LRP1: variants seen among roughly 807,000 people sequenced by gnomAD.
LRP1 encodes prolow-density lipoprotein receptor-related protein 1.
A neutral mutation model predicts 541.5 loss-of-function variants in LRP1; 51 were observed. The observed-to-expected ratio is 0.09, with a 90% CI of 0.08 to 0.12. LRP1 has a LOEUF of 0.12. LRP1 is among the 10% of genes least tolerant of loss of function. The probability of loss-of-function intolerance (pLI) is 1.00; values close to 1 mark genes in which losing one functional copy is unlikely to be tolerated. For synonymous variants in LRP1, 2,219 were observed against 2,470.8 expected (o/e 0.90, Z 3.02); for missense variants, 3,878 against 6,376.2 (o/e 0.61, Z 13.34).
rs776497673 is a variant in LRP1, at chr12:57,210,513, T to C, written c.12754+33T>C. The C allele has an allele frequency of 2.0e-6, 3 of 1,516,340 alleles. No individual in the cohort carries two copies. The South Asian group carries it at 3.9e-5, about 20-fold the overall frequency. The allele number at this position is 1,516,340 out of a possible 1,614,324, so 93.9% of individuals were successfully genotyped here. A position where few individuals can be genotyped will look rare whatever the true frequency, so the allele number is the denominator to read the frequency against. ...CCCTCATCCCGCCACGCCTGCTCCTTGCCCCTGGGCCCCAGCCCCGCCACC... is the reference window on the plus strand; with the variant it reads ...CCCTCATCCCGCCACGCCTGCTCCTCGCCCCTGGGCCCCAGCCCCGCCACC... On this transcript the variant is annotated intron_variant, in intron 82 of 88. Coordinates refer to ENST00000243077, the MANE Select transcript of LRP1 (RefSeq NM_002332.3).
chr12:57,201,833 A>C lies in LRP1; in HGVS notation c.10522A>C (p.Ile3508Leu). ...EFRCKDSGRC[I>L]PARWKCDGED... ...CCGCTGCAAGGATTCGGGCCGCTGC[A>C]TCCCAGCGCGTTGGAAGTGTGACGG... The change falls in exon 67 of 89, where the codon ATC (isoleucine) becomes CTC (leucine). Residue 3508 changes from isoleucine (I) to leucine (L), a missense_variant. Coordinates refer to ENST00000243077, the MANE Select transcript of LRP1 (RefSeq NM_002332.3). This position sits in a 1 kb window ranked among gnomAD's most constrained non-coding sequence, Gnocchi z 6.4. The C allele has an allele frequency of 1.9e-6, 3 of 1,614,038 alleles. No individual in the cohort carries two copies. Among genetic ancestry groups the C allele is most frequent in the Non-Finnish European group, 2.5e-6 (3 of 1,179,996 alleles).
chr12:57,182,812 G>A (rs1288992662), intron 34 of LRP1, among the ~76,000 whole-genome samples: 19 of 151,970 alleles, frequency 1.3e-4, no homozygotes, highest in African/African-American at 2.7e-4. Context: ...GTGAAATTCC[G>A]TCTCAAAAAA....
chr12:57,202,888 CT>C (rs1157847983), intron 68 of LRP1: 13 of 567,968 alleles, frequency 2.3e-5, no homozygotes, highest in Non-Finnish European at 3.1e-5. Flanking sequence ...TGGTGCTTGT[CT>C]CAGTGGTCTT....
chr12:57,191,180 C>A, intron 43 of LRP1, 140 bp from the exon 44 acceptor site: 1 of 1,108,876 alleles, frequency 9.0e-7, no homozygotes, highest in Non-Finnish European at 1.3e-6. Context: ...TGCTCCTCAT[C>A]AGCTAGACGA....
At chr12:57,143,575 A>T in intron 3 of LRP1, 104 bp from the exon 4 acceptor site, 1 of 1,414,832 alleles carries the variant, frequency 7.1e-7, no homozygotes. Flanking sequence ...TGCAGCCCTT[A>T]GAAGTGGTTT....
In LRP1 at chr12:57,210,849, C is replaced by G; in HGVS notation, c.12886C>G (p.Pro4296Ala). The G allele has an allele frequency of 6.2e-7, 1 of 1,612,752 alleles. No homozygotes were observed. The highest frequency in any genetic ancestry group is 2.2e-5 in the East Asian group (1 of 44,842). ...QGNQPQCRCL[P>A]GFLGDRCQYR... ...CAACCAGCCCCAGTGCCGATGCCTACCCGGCTTCCTGGGCGACCGCTGCCA... is the reference window on the plus strand; with the variant it reads ...CAACCAGCCCCAGTGCCGATGCCTAGCCGGCTTCCTGGGCGACCGCTGCCA... Residue 4296 changes from proline to alanine, a missense_variant, in exon 83 of 89, where the codon CCC becomes GCC. Around this residue, in one of 13 missense-constraint regions of LRP1, gnomAD observed 871 missense variants for 1,212.4 expected, o/e 0.72. Transcript: ENST00000243077.
intron 42 of LRP1, among the ~76,000 whole-genome samples, chr12:57,190,242 G>A (rs1234733709): frequency 6.6e-6 from 1 of 152,194 alleles, no homozygotes; most frequent in East Asian, 1.9e-4. Flanking sequence ...AGCTCCACAA[G>A]GGCTTCCTGA....
chr12:57,135,161 A>C (rs975892402), intron 1 of LRP1, among the ~76,000 whole-genome samples: 18 of 152,194 alleles, frequency 1.2e-4, no homozygotes, highest in Non-Finnish European at 1.3e-4. Context: ...GTTAATAGTC[A>C]CCGTATTTCC....
Position 57,178,736 on chromosome 12 carries a change from T to G in LRP1, c.4606+133T>G. 1 of 1,519,266 alleles carries G rather than the reference T, an allele frequency of 6.6e-7. No individual in the cohort carries two copies. The highest frequency in any genetic ancestry group is 8.9e-7 in the Non-Finnish European group (1 of 1,121,386). 94.1% of individuals were successfully genotyped at this position (1,519,266 alleles called of 1,614,324 possible). A position where few individuals can be genotyped will look rare whatever the true frequency, so the allele number is the denominator to read the frequency against. Reference sequence around the variant, plus strand: ...GCTGGGATGGCAGGGGTAGGCCGGCTGTTGACAGAGGCACTGTCTAGCAGC... The same window carrying G: ...GCTGGGATGGCAGGGGTAGGCCGGCGGTTGACAGAGGCACTGTCTAGCAGC... On this transcript the variant is annotated intron_variant, in intron 27 of 88. Transcript: ENST00000243077. The surrounding 1 kb of genome is among the most constrained non-coding windows in gnomAD (Gnocchi z 5.8).
At position 57,195,594 on chromosome 12, in the gene LRP1, G is replaced by A. The variant is rs1158317467; in HGVS notation, c.8438-64G>A. 27 of 1,611,682 alleles carry A rather than the reference G, an allele frequency of 1.7e-5. No homozygotes were observed. In the South Asian group the frequency reaches 2.6e-4, roughly 16 times the overall value. ...CTACCAGGAGAACCACAGGAGGTTA[G>A]AGTGAGGGACGGTCGGCCGCTGGCC... On this transcript the variant is annotated intron_variant, in intron 52 of 88. Transcript: ENST00000243077.
intron 6 of LRP1, among the ~76,000 whole-genome samples, chr12:57,151,808 C>T (rs553175822): frequency 4.9e-4 from 73 of 149,572 alleles, no homozygotes; most frequent in African/African-American, 1.6e-3. Context: ...TGCATACGTG[C>T]GTATGTGCGT....
chr12:57,152,354 T>G (rs1207791601), intron 6 of LRP1, among the ~76,000 whole-genome samples: 9 of 152,008 alleles, frequency 5.9e-5, no homozygotes, highest in African/African-American at 2.2e-4. Flanking sequence ...CTGATGAAGT[T>G]CATACACATG....
Position 57,175,731 on chromosome 12 carries a change from G to C in LRP1, c.3793+26G>C, listed in dbSNP as rs376971164. ...GTGAGACAACAGTGAGGTGTGGTGGGGCAGGCCGAGGCAGGCCTCTGAGCT... is the reference window on the plus strand; with the variant it reads ...GTGAGACAACAGTGAGGTGTGGTGGCGCAGGCCGAGGCAGGCCTCTGAGCT... On this transcript the variant is annotated intron_variant, in intron 23 of 88. Transcript: ENST00000243077. 2.9e-5 allele frequency: 45 copies of C among 1,547,638 alleles called. No individual in the cohort carries two copies. The African/African-American group carries it at 4.8e-4, about 16-fold the overall frequency.
chr12:57,202,672 A>T (rs2036683057), intron 68 of LRP1, 135 bp downstream of exon 68: 1 of 646,078 alleles, frequency 1.5e-6, no homozygotes, highest in Non-Finnish European at 2.8e-6. Flanking sequence ...CTCCTCACCC[A>T]TCCCACTCCA....
At position 57,165,652 on chromosome 12, in the gene LRP1, C is replaced by A; in HGVS notation, c.2531-153C>A. On this transcript the variant is annotated intron_variant, in intron 15 of 88. Coordinates refer to ENST00000243077, the MANE Select transcript of LRP1 (RefSeq NM_002332.3). This position sits in a 1 kb window ranked among gnomAD's most constrained non-coding sequence, Gnocchi z 4.5. Reference sequence around the variant, plus strand: ...TTGGGAAAGAATTGCAGTTTCCATCCAGATAATTTGTTTCATGAGGAATTT... The same window carrying A: ...TTGGGAAAGAATTGCAGTTTCCATCAAGATAATTTGTTTCATGAGGAATTT... 1 of 691,182 alleles carries A rather than the reference C, an allele frequency of 1.4e-6. No individual in the cohort carries two copies. The highest frequency in any genetic ancestry group is 2.4e-6 in the Non-Finnish European group (1 of 417,778). 42.8% of individuals were successfully genotyped at this position (691,182 alleles called of 1,614,324 possible). A position where few individuals can be genotyped will look rare whatever the true frequency, so the allele number is the denominator to read the frequency against.
At chr12:57,140,269 CT>C (rs1178945530) in intron 2 of LRP1, among the ~76,000 whole-genome samples, 1 of 152,046 alleles carries the variant, frequency 6.6e-6, no homozygotes, top group African/African-American at 2.4e-5. Context: ...TTCCCAAATC[CT>C]TCTATCAGGC....
intron 12 of LRP1, 40 bp from the exon 13 acceptor site, chr12:57,160,853 C>A: frequency 1.3e-6 from 2 of 1,529,588 alleles, no homozygotes; most frequent in South Asian, 1.1e-5. Flanking sequence ...CTGTTGATGG[C>A]GGGGGTGCCC....
At chr12:57,208,640 C>A in intron 77 of LRP1, 71 bp from the exon 78 acceptor site, 1 of 900,542 alleles carries the variant, frequency 1.1e-6, no homozygotes, top group Non-Finnish European at 1.8e-6. Flanking sequence ...GACCAAGAAG[C>A]TGGTGTCCTG....
rs377502353 is a variant in LRP1, at chr12:57,156,765, C to A, written c.1418-12C>A. ...TCTGAGGGGTCCTAACAGCTCTTCA[C>A]CCTGCCCCCAGTGAGGAGCCATGCC... On this transcript the variant is annotated splice_polypyrimidine_tract_variant and intron_variant, in intron 9 of 88. Transcript: ENST00000243077. The surrounding 1 kb of genome is among the most constrained non-coding windows in gnomAD (Gnocchi z 5.2). The A allele has an allele frequency of 8.6e-5, 137 of 1,601,154 alleles. No individual in the cohort carries two copies. Among genetic ancestry groups the A allele is most frequent in the Non-Finnish European group, 1.1e-4 (126 of 1,171,366 alleles).
Sources: allele counts gnomAD v4.1 joint callset (sites outside exome capture counted in the v4.1 genomes callset), GRCh38; gene constraint gnomAD v4.1.1; regional missense constraint gnomAD v4.1.1; non-coding constraint Gnocchi (gnomAD v3.1); transcripts MANE v1.5; gene names NCBI Gene and HGNC (gene_info 2026-07-23, HGNC 2026-07-21).